Variants in FLII observed in about 807,000 individuals in gnomAD.
FLII encodes the protein FLII actin remodeling protein, also known as protein flightless-1 homolog.
FLII carries 101 observed loss-of-function variants against 156.2 expected under a neutral mutation model. That is an observed-to-expected ratio of 0.65 (90% CI 0.55 to 0.76). The LOEUF is 0.76. Ranked by LOEUF, FLII falls within the 30% of genes least tolerant of loss-of-function variation. The probability of loss-of-function intolerance (pLI) is 0.00; values close to 1 mark genes in which losing one functional copy is unlikely to be tolerated. For synonymous variants in FLII, 767 were observed against 685.8 expected (o/e 1.12, Z -1.85); for missense variants, 1,675 against 1,682.8 (o/e 1.00, Z 0.08).
At chr17:18,248,401 G>A in intron 18 of FLII, 149 bp downstream of exon 18, 1 of 703,076 alleles carries the variant, frequency 1.4e-6, no homozygotes, top group Non-Finnish European at 2.3e-6. Flanking sequence ...CCAGACCTTT[G>A]CTCATACTGT....
At position 18,246,080 on chromosome 17, in the gene FLII, G is replaced by A; in HGVS notation, c.3268-18C>T. 1 of 1,614,100 alleles carries A rather than the reference G, an allele frequency of 6.2e-7. No homozygotes were observed. The highest frequency in any genetic ancestry group is 8.5e-7 in the Non-Finnish European group (1 of 1,180,006). On this transcript the variant is annotated intron_variant, in intron 25 of 29. Transcript: ENST00000327031. ...AAGGGAACCTGGGGAGTGTGCAGGG[G>A]TGGGGGTGTTCGCAGCTGACTCAGC... is the stretch of plus-strand genomic sequence containing the variant.
Position 18,250,996 on chromosome 17 carries a change from A to T in FLII, c.1618T>A (p.Ser540Thr), listed in dbSNP as rs979440146. 20 of 1,613,464 alleles carry T rather than the reference A, an allele frequency of 1.2e-5. No homozygotes were observed. Among genetic ancestry groups the T allele is most frequent in the African/African-American group, 2.7e-5 (2 of 74,904 alleles). ...VLKTFLDDSG[S>T]LNWEIYYWIG... ...CAGTAGTAGATCTCCCAGTTGAGGG[A>T]GCCGCTGTCATCCAGAAAGGTCTGG... is the stretch of plus-strand genomic sequence containing the variant. Residue 540 changes from serine (S) to threonine (T), a missense_variant, in exon 14 of 30, where the codon TCC becomes ACC. Coordinates refer to ENST00000327031, the MANE Select transcript of FLII (RefSeq NM_002018.4).
rs1457031916 is a variant in FLII, at chr17:18,247,067, G to C, written c.2677-15C>G. ...AGCTGCTCCGCCTGCAGGTGAGAGG[G>C]ACCCGCCCCGCGGCAGGTCTGAGCG... On this transcript the variant is annotated splice_polypyrimidine_tract_variant and intron_variant, in intron 21 of 29. Transcript: ENST00000327031. 3.1e-6 allele frequency: 5 copies of C among 1,610,768 alleles called. No individual in the cohort carries two copies. The African/African-American group carries it at 4.0e-5, about 13-fold the overall frequency.
Position 18,246,222 on chromosome 17 carries a change from C to T in FLII, c.3207G>A (p.Arg1069=), listed in dbSNP as rs773365321. The T allele has an allele frequency of 6.2e-7, 1 of 1,614,128 alleles. No homozygotes were observed. The highest frequency in any genetic ancestry group is 8.5e-7 in the Non-Finnish European group (1 of 1,180,024). The change falls in exon 25 of 30, where the codon CGG becomes CGA. Residue 1069 remains arginine (R), a splice_region_variant and synonymous_variant. Transcript: ENST00000327031. ...TGGAGTCGGTGTTGATCTGGATGCACCTGTGGAAGGGATGGGGCATCAGCA... is the reference window on the plus strand; with the variant it reads ...TGGAGTCGGTGTTGATCTGGATGCATCTGTGGAAGGGATGGGGCATCAGCA... The part of the protein sequence containing the change: ...IRTNGSALCT[R]CIQINTDSSL...
rs763809532 is a variant in FLII at position 18,247,785 on chromosome 17, A to T, written c.2359T>A (p.Trp787Arg). The stretch of plus-strand genomic sequence containing the variant: ...AGGCGCGGGGACTTGCGGCCGAGCC[A>T]GATGAACACGTCGGACCAACAGTCC... ...ILDCWSDVFI[W>R]LGRKSPRLVR... Residue 787 changes from tryptophan (W) to arginine (R), a missense_variant, in exon 20 of 30, where the codon TGG (tryptophan) becomes AGG (arginine). By Grantham distance (101) the Trp-to-Arg change is moderately radical. Transcript: ENST00000327031. 72 of 1,611,544 alleles carry T rather than the reference A, an allele frequency of 4.5e-5. No individual in the cohort carries two copies. Among genetic ancestry groups the T allele is most frequent in the Non-Finnish European group, 5.1e-6 (6 of 1,180,002 alleles).
rs532826174 is a variant in FLII, at chr17:18,251,992, C to T, written c.1246+7G>A. 1.2e-6 allele frequency: 2 copies of T among 1,612,422 alleles called. No homozygotes were observed. Among genetic ancestry groups the T allele is most frequent in the Admixed American group, 3.3e-5 (2 of 60,022 alleles). On this transcript the variant is annotated splice_region_variant and intron_variant, in intron 11 of 29. Transcript: ENST00000327031. ...CCCGTTCCCAGGCCAGACCTTTCCC[C>T]ACTCACCAGCTGCAGCTGCAGCCAC...
chr17:18,253,157 AAAAAGAAAAG>A lies in FLII; in HGVS notation c.1013+134_1013+143del, dbSNP rs550976109. The A allele has an allele frequency of 2.1e-4, 191 of 901,318 alleles. 1 individual carries two copies. In the East Asian group the frequency reaches 4.3e-3, roughly 20 times the overall value. The allele number at this position is 901,318 out of a possible 1,614,324, so 55.8% of individuals were successfully genotyped here. A position where few individuals can be genotyped will look rare whatever the true frequency, so the allele number is the denominator to read the frequency against. Reference sequence around the variant, plus strand: ...AGAGCGAGACTCTGTCTCAAAAACAAAAAAGAAAAGAAAAGAAAAGAAAAGGTGAATTAAC... The same window carrying A: ...AGAGCGAGACTCTGTCTCAAAAACAAAAAAGAAAAGAAAAGGTGAATTAAC... On this transcript the variant is annotated intron_variant, in intron 9 of 29. Coordinates refer to ENST00000327031, the MANE Select transcript of FLII (RefSeq NM_002018.4).
chr17:18,249,211 G>A lies in FLII; in HGVS notation c.1860-10C>T. The A allele has an allele frequency of 6.2e-7, 1 of 1,614,134 alleles. No homozygotes were observed. The highest frequency in any genetic ancestry group is 8.5e-7 in the Non-Finnish European group (1 of 1,180,004). On this transcript the variant is annotated splice_polypyrimidine_tract_variant and intron_variant, in intron 15 of 29. Coordinates refer to ENST00000327031, the MANE Select transcript of FLII (RefSeq NM_002018.4). ...ATACACACGATACATCCTGGGCGCAGGGCAAGAGTGGCTCAGTGTAGGCAC... is the reference window on the plus strand; with the variant it reads ...ATACACACGATACATCCTGGGCGCAAGGCAAGAGTGGCTCAGTGTAGGCAC...
Position 18,247,277 on chromosome 17 carries a change from G to C in FLII, c.2568C>G (p.Ser856Arg), listed in dbSNP as rs1171816678. ...YTRNAEAVLQ[S>R]PGLSGKVKRD... Reference sequence around the variant, plus strand: ...GTTTCACCTTCCCGGAGAGACCCGGGCTCTGCAGCACGGCCTCCGCATTGC... The same window carrying C: ...GTTTCACCTTCCCGGAGAGACCCGGCCTCTGCAGCACGGCCTCCGCATTGC... Residue 856 changes from serine to arginine, a missense_variant, in exon 21 of 30, where the codon AGC becomes AGG. Physicochemically the swap from Ser to Arg is moderately radical, Grantham distance 110. This residue lies in a region of FLII where 1,332 missense variants were observed against 1,269.3 expected (regional missense o/e 1.05). Coordinates refer to ENST00000327031, the MANE Select transcript of FLII (RefSeq NM_002018.4). 4 of 1,612,768 alleles carry C rather than the reference G, an allele frequency of 2.5e-6. No homozygotes were observed. In the African/African-American group the frequency reaches 5.3e-5, roughly 22 times the overall value.
chr17:18,256,731 T>C (rs946083570), intron 2 of FLII, 134 bp from the exon 3 acceptor site: 8 of 845,690 alleles, frequency 9.5e-6, no homozygotes, highest in Non-Finnish European at 1.5e-5. Flanking sequence ...CTTCCCTCCC[T>C]CACTCACCCG....
rs1251296387 is a variant in FLII at position 18,254,688 on chromosome 17, G to T, written c.414-6C>A. Reference sequence around the variant, plus strand: ...GGTTGGGGATGGTGTCGATGCTACGGGTGGGGAGCAGGAGCCACCTGAGTC... The same window carrying T: ...GGTTGGGGATGGTGTCGATGCTACGTGTGGGGAGCAGGAGCCACCTGAGTC... On this transcript the variant is annotated splice_polypyrimidine_tract_variant and splice_region_variant and intron_variant, in intron 5 of 29. Transcript: ENST00000327031. 6.2e-7 allele frequency: 1 copy of T among 1,613,760 alleles called. No individual in the cohort carries two copies. Among genetic ancestry groups the T allele is most frequent in the South Asian group, 1.1e-5 (1 of 91,080 alleles).
Position 18,253,642 on chromosome 17 carries a change from G to T in FLII, c.757C>A (p.Leu253Ile), listed in dbSNP as rs745638015. The change falls in exon 8 of 30, where the codon CTC (leucine) becomes ATC (isoleucine). Residue 253 changes from leucine (L) to isoleucine (I), a missense_variant. Around this residue, in one of 2 missense-constraint regions of FLII, gnomAD observed 343 missense variants for 413.5 expected, o/e 0.83. Coordinates refer to ENST00000327031, the MANE Select transcript of FLII (RefSeq NM_002018.4). Reference sequence around the variant, plus strand: ...AGCTCCGTGATCTGGTTGCTGCTGAGGTTGAGGCGGCGCAGGCTGGGGAGG... The same window carrying T: ...AGCTCCGTGATCTGGTTGCTGCTGATGTTGAGGCGGCGCAGGCTGGGGAGG... The part of the protein sequence containing the change: ...YTLPSLRRLN[L>I]SSNQITELSL... The T allele has an allele frequency of 2.5e-6, 4 of 1,614,080 alleles. No individual in the cohort carries two copies. The highest frequency in any genetic ancestry group is 3.4e-6 in the Non-Finnish European group (4 of 1,180,032).
intron 1 of FLII, 55 bp from the exon 2 acceptor site, chr17:18,257,074 G>T: frequency 8.3e-7 from 1 of 1,204,252 alleles, no homozygotes; most frequent in Non-Finnish European, 1.2e-6. Flanking sequence ...ACCTTCTATG[G>T]CTCCTCCAGC....
At position 18,258,643 on chromosome 17, in the gene FLII, G is replaced by C. The variant is rs1467377140; in HGVS notation, c.48C>G (p.Ser16Arg). Residue 16 changes from serine to arginine, a missense_variant, in exon 1 of 30, where the codon AGC becomes AGG. Physicochemically the swap from Ser to Arg is moderately radical, Grantham distance 110 (BLOSUM62 -1). This residue lies in a region of FLII where 343 missense variants were observed against 413.5 expected (regional missense o/e 0.83). Coordinates refer to ENST00000327031, the MANE Select transcript of FLII (RefSeq NM_002018.4). This position sits in a 1 kb window ranked among gnomAD's most constrained non-coding sequence, Gnocchi z 4.2. ...CCCGGCTCACCTTGAAGTCGTTGCC[G>C]CTGAGGTCCACGCCACGCACGAACG... ...VLPFVRGVDL[S>R]GNDFKGGYFP... The C allele has an allele frequency of 6.4e-7, 1 of 1,558,022 alleles. No individual in the cohort carries two copies. The highest frequency in any genetic ancestry group is 8.6e-7 in the Non-Finnish European group (1 of 1,162,062).
At chr17:18,256,655 G>T in intron 2 of FLII, 58 bp from the exon 3 acceptor site, 2 of 1,442,842 alleles carry the variant, frequency 1.4e-6, no homozygotes, top group Non-Finnish European at 9.5e-7. Context: ...CAGAGTCCCT[G>T]CCTGCCTCCA....
chr17:18,252,236 C>T (rs1285677648), intron 10 of FLII, 90 bp from the exon 11 acceptor site: 2 of 1,295,470 alleles, frequency 1.5e-6, no homozygotes, highest in Non-Finnish European at 2.2e-6. Context: ...TCTGCAGCCG[C>T]CAGGGCTGAG....
At chr17:18,251,226 C>G (rs368992814) in intron 13 of FLII, 39 bp downstream of exon 13, 8 of 1,593,964 alleles carry the variant, frequency 5.0e-6, no homozygotes, top group Non-Finnish European at 6.0e-6. Flanking sequence ...GAGGAAGGTA[C>G]TGGGCCACAT....
rs550976109 is a variant in FLII, at chr17:18,253,157, A to AAAAAG, written c.1013+139_1013+143dup. 486 of 901,318 alleles carry AAAAAG rather than the reference A, an allele frequency of 5.4e-4. 1 individual carries two copies. The East Asian group carries it at 8.8e-3, about 16-fold the overall frequency. The allele number at this position is 901,318 out of a possible 1,614,324, so 55.8% of individuals were successfully genotyped here. ...AGAGCGAGACTCTGTCTCAAAAACA[A>AAAAAG]AAAAGAAAAGAAAAGAAAAGAAAAG... On this transcript the variant is annotated intron_variant, in intron 9 of 29. Coordinates refer to ENST00000327031, the MANE Select transcript of FLII (RefSeq NM_002018.4).
chr17:18,247,562 G>T, intron 20 of FLII, 95 bp downstream of exon 20: 1 of 1,246,596 alleles, frequency 8.0e-7, no homozygotes. Context: ...GTGGGTTTGG[G>T]CCCAGCTCTG....
Sources: gnomAD v4.1 joint callset for allele counts on GRCh38, gnomAD v4.1.1 for gene constraint, gnomAD v4.1.1 regional missense constraint, Gnocchi (gnomAD v3.1) non-coding constraint, MANE v1.5 for transcripts, NCBI Gene and HGNC (gene_info 2026-07-23, HGNC 2026-07-21) for gene names.